CSMD1: variants seen among roughly 807,000 people sequenced by gnomAD.
The protein encoded by CSMD1 is CUB and Sushi multiple domains 1, also known as CUB and sushi domain-containing protein 1.
Under a neutral mutation model 417.5 loss-of-function variants are expected in CSMD1, and 213 were observed. That is an observed-to-expected ratio of 0.51 (90% confidence interval 0.46 to 0.57). The LOEUF (loss-of-function observed/expected upper bound fraction) is 0.57. Ranked by LOEUF, CSMD1 falls within the 20% of genes least tolerant of loss-of-function variation. CSMD1 has a pLI of 0.00. For synonymous variants in CSMD1, 2,862 were observed against 1,736.8 expected, an observed-to-expected ratio of 1.65 and a Z score of -16.11; for missense variants, 6,923 against 4,529.7, an observed-to-expected ratio of 1.53 and a Z score of -15.17.
At chr8:3,954,595 C>G (rs1811811789) in intron 5 of CSMD1, among the ~76,000 whole-genome samples, 1 of 152,230 alleles carries the variant, frequency 6.6e-6, no homozygotes, top group South Asian at 2.1e-4. Flanking sequence ...AACGCCTGAC[C>G]TCGTGATCCG....
At chr8:4,073,590 T>A (rs1563087677) in intron 3 of CSMD1, among the ~76,000 whole-genome samples, 1 of 152,128 alleles carries the variant, frequency 6.6e-6, no homozygotes, top group Non-Finnish European at 1.5e-5. Flanking sequence ...TATATTCACT[T>A]TTCAGTATTG....
At chr8:3,503,136 G>C (rs756190488) in intron 10 of CSMD1, among the ~76,000 whole-genome samples, 3 of 152,132 alleles carry the variant, frequency 2.0e-5, no homozygotes, top group Non-Finnish European at 2.9e-5. Context: ...ACAGTATACA[G>C]TGTGAAATTA....
chr8:3,257,634 C>T (rs1800754393), intron 26 of CSMD1, among the ~76,000 whole-genome samples: 1 of 152,112 alleles, frequency 6.6e-6, no homozygotes, highest in Non-Finnish European at 1.5e-5. Context: ...GAGACAGAAT[C>T]AGCCTTGCGG....
intron 3 of CSMD1, among the ~76,000 whole-genome samples, chr8:4,302,341 T>A (rs971640712): frequency 6.6e-6 from 1 of 152,180 alleles, no homozygotes; most frequent in Non-Finnish European, 1.5e-5. Context: ...ATAACAATAA[T>A]AGTGATTCAT....
chr8:4,397,252 G>GT (rs1025166425), intron 3 of CSMD1, among the ~76,000 whole-genome samples: 2 of 151,870 alleles, frequency 1.3e-5, no homozygotes, highest in Non-Finnish European at 2.9e-5. Flanking sequence ...GTGAGCATGC[G>GT]TTTTTTCATA....
chr8:4,634,367 CTT>C (rs561761929), intron 2 of CSMD1, among the ~76,000 whole-genome samples: 34 of 152,114 alleles, frequency 2.2e-4, no homozygotes, highest in Non-Finnish European at 3.7e-4. Context: ...AAATCTGCCT[CTT>C]AAGTTTATTT....
chr8:4,764,883 A>AAAC (rs752567189), intron 1 of CSMD1, among the ~76,000 whole-genome samples: 1,105 of 51,358 alleles, frequency 0.022, 14 homozygotes, highest in Middle Eastern at 0.045. Context: ...AAAAAAAAAA[A>AAAC]AAAAAAAAAA....
intron 5 of CSMD1, among the ~76,000 whole-genome samples, chr8:3,893,801 G>C (rs1807159871): frequency 2.0e-5 from 3 of 152,040 alleles, no homozygotes; most frequent in African/African-American, 4.8e-5. Context: ...CCTATAGAGA[G>C]CATGCACACT....
chr8:4,585,317 T>C lies in CSMD1; in HGVS notation c.302+52025A>G, dbSNP rs1250944637. Among the ~76,000 whole-genome samples, 7 of 152,112 alleles carry C rather than the reference T, an allele frequency of 4.6e-5. No individual in the cohort carries two copies. In the East Asian group the frequency reaches 7.7e-4, roughly 17 times the overall value. On this transcript the variant is annotated intron_variant, in intron 2 of 69. Transcript: ENST00000635120. ...AGAAATTAAAAATTAAGCTAATTAA[T>C]AGCAGATTAGGCAAAGTTGAAAAGA...
intron 5 of CSMD1, among the ~76,000 whole-genome samples, chr8:3,986,712 T>C (rs1814345106): frequency 6.6e-6 from 1 of 152,176 alleles, no homozygotes. Context: ...GGAAAATTTA[T>C]CATGTTTCAG....
chr8:4,466,477 G>C (rs1189974211), intron 2 of CSMD1, among the ~76,000 whole-genome samples: 1 of 151,426 alleles, frequency 6.6e-6, no homozygotes, highest in Non-Finnish European at 1.5e-5. Flanking sequence ...AGGAAATTTA[G>C]CCTATATATT....
intron 46 of CSMD1, among the ~76,000 whole-genome samples, chr8:3,097,468 C>G (rs1054888347): frequency 6.6e-6 from 1 of 151,532 alleles, no homozygotes; most frequent in African/African-American, 2.4e-5. Flanking sequence ...GGCCCCCTTA[C>G]CCCTGGGGAT....
At chr8:4,477,625 C>T (rs953086921) in intron 2 of CSMD1, among the ~76,000 whole-genome samples, 1 of 152,096 alleles carries the variant, frequency 6.6e-6, no homozygotes, top group African/African-American at 2.4e-5. Context: ...CAGAGAAAGG[C>T]ACTGTGAGAT....
intron 21 of CSMD1, among the ~76,000 whole-genome samples, chr8:3,353,657 G>C (rs1250974037): frequency 6.6e-6 from 1 of 152,134 alleles, no homozygotes; most frequent in African/African-American, 2.4e-5. Flanking sequence ...AAAATTATTT[G>C]AGCTTGATTT....
intron 5 of CSMD1, among the ~76,000 whole-genome samples, chr8:3,862,633 A>G (rs1042103800): frequency 6.6e-6 from 1 of 152,228 alleles, no homozygotes; most frequent in African/African-American, 2.4e-5. Flanking sequence ...TATTTGCTGA[A>G]TAAACCAAAT....
At chr8:4,469,601 C>G (rs948893871) in intron 2 of CSMD1, among the ~76,000 whole-genome samples, 2 of 152,156 alleles carry the variant, frequency 1.3e-5, no homozygotes, top group African/African-American at 2.4e-5. Flanking sequence ...TGGTCTTTGA[C>G]TCTGTGTATT....
chr8:3,806,940 A>G (rs778564357), intron 5 of CSMD1, among the ~76,000 whole-genome samples: 2 of 152,184 alleles, frequency 1.3e-5, no homozygotes, highest in Non-Finnish European at 2.9e-5. Flanking sequence ...ATTGTCAGAT[A>G]GGATTTAATC....
At chr8:4,657,989 A>G (rs1369462048) in intron 1 of CSMD1, among the ~76,000 whole-genome samples, 1 of 34,942 alleles carries the variant, frequency 2.9e-5, no homozygotes, top group East Asian at 8.1e-4. Context: ...AGCAGGTAGA[A>G]GAAAGAATCA....
intron 17 of CSMD1, among the ~76,000 whole-genome samples, chr8:3,393,299 C>T (rs764351675): frequency 9.9e-5 from 15 of 152,158 alleles, no homozygotes; most frequent in African/African-American, 1.4e-4. Flanking sequence ...TAGGTGAGGC[C>T]TCTGCTCACT....
Sources: allele counts gnomAD v4.1 joint callset (sites outside exome capture counted in the v4.1 genomes callset), GRCh38; gene constraint gnomAD v4.1.1; transcripts MANE v1.5; gene names NCBI Gene and HGNC (gene_info 2026-07-23, HGNC 2026-07-21).